Variants in MSH4 observed in about 807,000 individuals in gnomAD.
The protein encoded by MSH4 is mutS homolog 4, also known as mutS protein homolog 4.
MSH4 carries 106 observed loss-of-function variants against 113.7 expected under a neutral mutation model. The ratio of observed to expected loss-of-function variants is 0.93; its 90% confidence interval spans 0.80 to 1.10. The LOEUF (loss-of-function observed/expected upper bound fraction) is 1.10. MSH4 is among the 50% of genes least tolerant of loss of function. MSH4 has a pLI of 0.00. For synonymous variants in MSH4, 368 were observed against 380.2 expected (o/e 0.97, Z 0.37); for missense variants, 1,061 against 1,093.7 (o/e 0.97, Z 0.42).
chr1:75,867,716 T>A (rs1651618260), intron 9 of MSH4, 128 bp downstream of exon 9: 3 of 611,454 alleles, frequency 4.9e-6, no homozygotes, highest in South Asian at 2.1e-5. Flanking sequence ...TTTTTCTTTG[T>A]ACATACTTTA....
chr1:75,841,398 C>G (rs563986394), intron 7 of MSH4, among the ~76,000 whole-genome samples: 2 of 152,142 alleles, frequency 1.3e-5, no homozygotes, highest in African/African-American at 4.8e-5. Flanking sequence ...GGGTCTTGCT[C>G]TGTTGCCCAG....
Position 75,878,226 on chromosome 1 carries a change from G to A in MSH4, c.1448G>A (p.Arg483Lys). ...ARYMKGCLNM[R>K]TQKCYAVRSN... ...TACATGAAAGGATGCCTAAACATGA[G>A]GACTCAGAAGTGCTATGCAGTGAGG... The change falls in exon 11 of 20, where the codon AGG becomes AAG. Residue 483 changes from arginine to lysine, a missense_variant. Coordinates refer to ENST00000263187, the MANE Select transcript of MSH4 (RefSeq NM_002440.4). 1.9e-6 allele frequency: 3 copies of A among 1,609,712 alleles called. No homozygotes were observed. Among genetic ancestry groups the A allele is most frequent in the Non-Finnish European group, 2.5e-6 (3 of 1,178,446 alleles).
chr1:75,904,682 T>A (rs1286467651), intron 19 of MSH4, among the ~76,000 whole-genome samples: 1 of 152,032 alleles, frequency 6.6e-6, no homozygotes, highest in African/African-American at 2.4e-5. Context: ...GGCTAATTTT[T>A]ATTTATTTAC....
At chr1:75,883,949 G>A in intron 15 of MSH4, 128 bp downstream of exon 15, 2 of 662,976 alleles carry the variant, frequency 3.0e-6, no homozygotes, top group South Asian at 2.1e-5. Flanking sequence ...TTACCTAAAA[G>A]TATAACAGTG....
At chr1:75,807,633 T>C (rs750675612) in intron 3 of MSH4, among the ~76,000 whole-genome samples, 27 of 152,366 alleles carry the variant, frequency 1.8e-4, no homozygotes, top group Non-Finnish European at 2.8e-4. Context: ...GCAATACTAC[T>C]ACCTTATTAT....
intron 6 of MSH4, among the ~76,000 whole-genome samples, chr1:75,819,448 C>G (rs1012390298): frequency 6.6e-6 from 1 of 152,150 alleles, no homozygotes; most frequent in African/African-American, 2.4e-5. Context: ...CTAGATAGTG[C>G]TGCTGTACTC....
At chr1:75,853,706 T>C (rs1651247338) in intron 8 of MSH4, among the ~76,000 whole-genome samples, 2 of 152,108 alleles carry the variant, frequency 1.3e-5, no homozygotes, top group African/African-American at 2.4e-5. Context: ...ACTGTCAATA[T>C]TTATTTTGAT....
intron 16 of MSH4, 136 bp from the exon 17 acceptor site, chr1:75,890,559 AT>A (rs1652229387): frequency 2.1e-6 from 1 of 467,450 alleles, no homozygotes; most frequent in African/African-American, 2.0e-5. Flanking sequence ...GAAAACTATT[AT>A]TTTCTGCTCA....
intron 7 of MSH4, among the ~76,000 whole-genome samples, chr1:75,847,703 G>A (rs999430719): frequency 6.6e-6 from 1 of 152,160 alleles, no homozygotes; most frequent in Non-Finnish European, 1.5e-5. Flanking sequence ...ATAGACATAT[G>A]CTAAGAGCAA....
chr1:75,906,180 A>G (rs1176398990), intron 19 of MSH4, among the ~76,000 whole-genome samples: 1 of 151,366 alleles, frequency 6.6e-6, no homozygotes, highest in Admixed American at 6.6e-5. Flanking sequence ...TAATAGAGAC[A>G]GGGTTTCACC....
chr1:75,864,789 A>G (rs1466105377), intron 8 of MSH4, among the ~76,000 whole-genome samples: 1 of 152,084 alleles, frequency 6.6e-6, no homozygotes, highest in Non-Finnish European at 1.5e-5. Context: ...TTTAATTTGC[A>G]CTGAACATTG....
At chr1:75,833,831 C>T (rs1298032288) in intron 7 of MSH4, among the ~76,000 whole-genome samples, 2 of 152,146 alleles carry the variant, frequency 1.3e-5, no homozygotes, top group Admixed American at 6.5e-5. Flanking sequence ...CTTAAGAACC[C>T]TAGAAGAAAA....
chr1:75,838,947 T>C (rs1321029623), intron 7 of MSH4, among the ~76,000 whole-genome samples: 1 of 152,194 alleles, frequency 6.6e-6, no homozygotes, highest in East Asian at 1.9e-4. Context: ...ATTTTTCTTT[T>C]TGTAAATGCA....
At chr1:75,816,579 A>T (rs1253061079) in intron 6 of MSH4, 33 bp downstream of exon 6, 1 of 1,244,418 alleles carries the variant, frequency 8.0e-7, no homozygotes, top group Non-Finnish European at 1.1e-6. Flanking sequence ...TATAAAATAT[A>T]TCGGTATATA....
At chr1:75,845,254 G>T (rs1406137208) in intron 7 of MSH4, among the ~76,000 whole-genome samples, 4 of 152,040 alleles carry the variant, frequency 2.6e-5, no homozygotes, top group Non-Finnish European at 4.4e-5. Context: ...ATCCCAATAG[G>T]CCTAAAGTCT....
intron 9 of MSH4, among the ~76,000 whole-genome samples, chr1:75,869,447 A>T (rs575313316): frequency 2.8e-4 from 42 of 152,202 alleles, no homozygotes; most frequent in Non-Finnish European, 4.4e-4. Flanking sequence ...AATCACCAAG[A>T]CAATGGGGAA....
chr1:75,885,792 A>T (rs1409239479), intron 15 of MSH4, among the ~76,000 whole-genome samples: 1 of 117,970 alleles, frequency 8.5e-6, no homozygotes. Flanking sequence ...TAGTATATAT[A>T]CTATATAATG....
intron 5 of MSH4, among the ~76,000 whole-genome samples, chr1:75,815,442 C>T (rs1208657531): frequency 6.6e-6 from 1 of 152,212 alleles, no homozygotes; most frequent in Non-Finnish European, 1.5e-5. Flanking sequence ...TTGCTACTCA[C>T]TTTACTTTGG....
chr1:75,854,864 T>C (rs958080322), intron 8 of MSH4, among the ~76,000 whole-genome samples: 1 of 152,196 alleles, frequency 6.6e-6, no homozygotes, highest in East Asian at 1.9e-4. Flanking sequence ...AGTTAATGTT[T>C]ATGATATTTT....
Sources: allele counts gnomAD v4.1 joint callset (sites outside exome capture counted in the v4.1 genomes callset), GRCh38; gene constraint gnomAD v4.1.1; transcripts MANE v1.5; gene names NCBI Gene and HGNC (gene_info 2026-07-23, HGNC 2026-07-21).